The following XRCC1 variants were observed in gnomAD, a reference collection of about 807,000 sequenced individuals.
XRCC1 encodes the protein DNA repair protein XRCC1.
XRCC1 carries 52 observed loss-of-function variants against 83.3 expected under a neutral mutation model. The observed-to-expected ratio is 0.62, with a 90% CI of 0.50 to 0.79. XRCC1 has a LOEUF of 0.79. Among genes scored for constraint, XRCC1 ranks in the 30% least tolerant of loss-of-function variants. XRCC1 has a pLI of 0.00. For missense variants in XRCC1, 793 were observed against 823.5 expected (o/e 0.96, Z 0.45); for synonymous variants, 281 against 312.6 (o/e 0.90, Z 1.07).
At chr19:43,571,304 T>G (rs1972804763) in intron 2 of XRCC1, among the ~76,000 whole-genome samples, 1 of 152,188 alleles carries the variant, frequency 6.6e-6, no homozygotes, top group African/African-American at 2.4e-5. Flanking sequence ...ACATAGCTCA[T>G]GTTGCTCAAA....
intron 10 of XRCC1, 111 bp downstream of exon 10, chr19:43,551,460 G>C (rs1972573260): frequency 1.1e-6 from 1 of 941,796 alleles, no homozygotes; most frequent in African/African-American, 1.6e-5. Flanking sequence ...TGCTGGCTCT[G>C]GGCTGGGACC....
At chr19:43,574,025 T>G (rs1414353249) in intron 2 of XRCC1, among the ~76,000 whole-genome samples, 1 of 152,186 alleles carries the variant, frequency 6.6e-6, no homozygotes, top group Non-Finnish European at 1.5e-5. Flanking sequence ...GAGTGAGGTG[T>G]GTAGAGCAGC....
At chr19:43,566,987 A>G (rs950449753) in intron 2 of XRCC1, among the ~76,000 whole-genome samples, 1 of 152,142 alleles carries the variant, frequency 6.6e-6, no homozygotes, top group Admixed American at 6.6e-5. Flanking sequence ...AATATCATCC[A>G]GTTATTTAAA....
In XRCC1 at chr19:43,551,698, G is replaced by A. The variant is rs745743538; in HGVS notation, c.1083-11C>T. 3.1e-6 allele frequency: 5 copies of A among 1,609,686 alleles called. 1 individual carries two copies. The highest frequency in any genetic ancestry group is 2.7e-5 in the African/African-American group (2 of 74,822). On this transcript the variant is annotated splice_polypyrimidine_tract_variant and intron_variant, in intron 9 of 16. Transcript: ENST00000262887. The stretch of plus-strand genomic sequence containing the variant: ...TTGGCAAAGGCACAGCTGGTGGGGG[G>A]CAGAAGTGAAGATGCCAGTTAGGTG...
At chr19:43,563,884 G>A (rs765639886) in intron 2 of XRCC1, among the ~76,000 whole-genome samples, 17 of 151,998 alleles carry the variant, frequency 1.1e-4, no homozygotes, top group Non-Finnish European at 2.1e-4. Context: ...TGTCTCTCCC[G>A]CCAGACTTTT....
rs577522257 is a variant in XRCC1, at chr19:43,559,578, A to G, written c.255+1332T>C. On this transcript the variant is annotated intron_variant, in intron 3 of 16. Transcript: ENST00000262887. ...TTCACTTGAGATGAAACAGAGATCT[A>G]AATGTAAAATCTAAAAATAGAAAGC... 5.3e-5 allele frequency among the ~76,000 whole-genome samples: 8 copies of G among 152,248 alleles called. No homozygotes were observed. In the South Asian group the frequency reaches 1.7e-3, roughly 32 times the overall value.
At chr19:43,558,858 C>T (rs548911524) in intron 3 of XRCC1, among the ~76,000 whole-genome samples, 1 of 151,218 alleles carries the variant, frequency 6.6e-6, no homozygotes, top group Non-Finnish European at 1.5e-5. Context: ...TATTTTCAGC[C>T]AGGTGCAGTG....
intron 10 of XRCC1, among the ~76,000 whole-genome samples, chr19:43,548,554 TAA>T (rs1972541908): frequency 6.6e-6 from 1 of 152,134 alleles, no homozygotes; most frequent in African/African-American, 2.4e-5. Context: ...TGTGCTTTGT[TAA>T]ACAGATGCTT....
intron 2 of XRCC1, among the ~76,000 whole-genome samples, chr19:43,562,482 G>A (rs1972710344): frequency 2.0e-5 from 3 of 152,104 alleles, no homozygotes; most frequent in Admixed American, 1.3e-4. Flanking sequence ...AGTGGCTCAC[G>A]TCTCTATAAC....
At chr19:43,563,163 C>T (rs1972718099) in intron 2 of XRCC1, among the ~76,000 whole-genome samples, 1 of 152,202 alleles carries the variant, frequency 6.6e-6, no homozygotes, top group South Asian at 2.1e-4. Flanking sequence ...GGGCCCTGGG[C>T]AGTGTACAGT....
At chr19:43,545,493 C>G (rs1449017816) in intron 14 of XRCC1, among the ~76,000 whole-genome samples, 1 of 152,136 alleles carries the variant, frequency 6.6e-6, no homozygotes, top group Non-Finnish European at 1.5e-5. Context: ...CAGAACGGCA[C>G]CTGAGCAAGT....
intron 2 of XRCC1, among the ~76,000 whole-genome samples, chr19:43,568,516 GT>G (rs1326224104): frequency 6.6e-6 from 1 of 151,916 alleles, no homozygotes; most frequent in Non-Finnish European, 1.5e-5. Context: ...AAGTAAGTAA[GT>G]AAGTAAATAA....
At chr19:43,548,047 G>GA (rs1282834203) in intron 10 of XRCC1, among the ~76,000 whole-genome samples, 1 of 29,330 alleles carries the variant, frequency 3.4e-5, no homozygotes, top group African/African-American at 2.3e-4. Context: ...GAGGGAGGTG[G>GA]GGGGCCAGCC....
rs138284081 is a variant in XRCC1, at chr19:43,554,699, C to A, written c.361G>T (p.Ala121Ser). 1 of 1,613,942 alleles carries A rather than the reference C, an allele frequency of 6.2e-7. No individual in the cohort carries two copies. Among genetic ancestry groups the A allele is most frequent in the Non-Finnish European group, 8.5e-7 (1 of 1,179,888 alleles). The stretch of plus-strand genomic sequence containing the variant: ...TTGACCCGGTCCCAGCGCTTCTCGG[C>A]GGCTGCCCGGACCAGCTTGTCAGGC... ...FGPDKLVRAA[A>S]EKRWDRVKIV... Residue 121 changes from alanine to serine, a missense_variant, in exon 4 of 17, where the codon GCC becomes TCC. Ala to Ser is a moderately conservative substitution (Grantham distance 99, BLOSUM62 1). Transcript: ENST00000262887.
At chr19:43,549,916 C>T (rs1972558589) in intron 10 of XRCC1, among the ~76,000 whole-genome samples, 1 of 152,118 alleles carries the variant, frequency 6.6e-6, no homozygotes. Flanking sequence ...CCTCCTTAAG[C>T]TCTCCCAGGC....
At chr19:43,550,290 A>C (rs1050965362) in intron 10 of XRCC1, among the ~76,000 whole-genome samples, 1 of 152,182 alleles carries the variant, frequency 6.6e-6, no homozygotes, top group Non-Finnish European at 1.5e-5. Flanking sequence ...GGGATAAAAA[A>C]AAAAAAGTCC....
At chr19:43,557,839 G>A (rs560247183) in intron 3 of XRCC1, among the ~76,000 whole-genome samples, 23 of 150,692 alleles carry the variant, frequency 1.5e-4, no homozygotes, top group Non-Finnish European at 3.0e-4. Context: ...GAGGGAAGGA[G>A]GGGAGGGAGA....
rs1332227605 is a variant in XRCC1 at position 43,546,118 on chromosome 19, AGC to A, written c.1427-14_1427-13del. 6.2e-7 allele frequency: 1 copy of A among 1,613,350 alleles called. No homozygotes were observed. Among genetic ancestry groups the A allele is most frequent in the Non-Finnish European group, 8.5e-7 (1 of 1,179,776 alleles). Reference sequence around the variant, plus strand: ...ATTGTCCTGTCCTTCTGCAAGTAGAAGCTCAGTCAATGCAAGGCTGCCTTGTC... The same window carrying A: ...ATTGTCCTGTCCTTCTGCAAGTAGAATCAGTCAATGCAAGGCTGCCTTGTC... On this transcript the variant is annotated splice_polypyrimidine_tract_variant and intron_variant, in intron 12 of 16. Coordinates refer to ENST00000262887, the MANE Select transcript of XRCC1 (RefSeq NM_006297.3).
rs60740505 is a variant in XRCC1, at chr19:43,548,766, C to CAAAAAAAA, written c.1200-1797_1200-1790dup. On this transcript the variant is annotated intron_variant, in intron 10 of 16. Transcript: ENST00000262887. ...TCTGTGAGAAACACCCAAGAATGAT[C>CAAAAAAAA]AAAAAAAAAAAAAAAAAAAACACAA... Among the ~76,000 whole-genome samples the CAAAAAAAA allele has an allele frequency of 4.9e-3, 316 of 64,442 alleles. 10 individuals are homozygous for CAAAAAAAA. The highest frequency in any genetic ancestry group is 6.6e-3 in the Non-Finnish European group (214 of 32,484). The allele number at this position is 64,442 out of a possible 152,430, so 42.3% of individuals were successfully genotyped here.
Sources: gnomAD v4.1 joint callset for allele counts (sites outside exome capture counted in the v4.1 genomes callset) on GRCh38, gnomAD v4.1.1 for gene constraint, MANE v1.5 for transcripts, NCBI Gene and HGNC (gene_info 2026-07-23, HGNC 2026-07-21) for gene names.